The following IL1R2 variants were observed in gnomAD, a reference collection of about 807,000 sequenced individuals.
IL1R2 encodes the protein interleukin-1 receptor type 2.
Under a neutral mutation model 39.5 loss-of-function variants are expected in IL1R2, and 46 were observed. That is an observed-to-expected ratio of 1.16 (90% confidence interval 0.92 to 1.49). IL1R2 has a LOEUF of 1.49. IL1R2 is among the 40% of genes most tolerant of loss of function. The pLI, the probability that IL1R2 is intolerant of heterozygous loss-of-function variation, is 0.00. For synonymous variants in IL1R2, 207 were observed against 189.6 expected (o/e 1.09, Z -0.75); for missense variants, 537 against 502.0 (o/e 1.07, Z -0.67).
chr2:102,022,002 A>G, intron 5 of IL1R2, 185 bp from the exon 6 acceptor site: 1 of 592,640 alleles, frequency 1.7e-6, no homozygotes, highest in Non-Finnish European at 3.1e-6. Flanking sequence ...CTGCTGGGAA[A>G]GTCATTGGCC....
chr2:102,003,822 T>G (rs111214798), intron 1 of IL1R2, among the ~76,000 whole-genome samples: 4 of 46,578 alleles, frequency 8.6e-5, no homozygotes, highest in African/African-American at 3.1e-4. Context: ...TGTGTCTGTG[T>G]CTGTGTCTGT....
chr2:101,999,888 T>C (rs1675765169), intron 1 of IL1R2, among the ~76,000 whole-genome samples: 1 of 152,222 alleles, frequency 6.6e-6, no homozygotes, highest in Non-Finnish European at 1.5e-5. Flanking sequence ...ATATTGTGTA[T>C]TTTATAAAGT....
chr2:101,999,710 G>C (rs1198149752), intron 1 of IL1R2, among the ~76,000 whole-genome samples: 1 of 152,202 alleles, frequency 6.6e-6, no homozygotes, highest in African/African-American at 2.4e-5. Context: ...AGATCACATA[G>C]TTAGTTAATG....
In IL1R2 at chr2:102,028,491, T is replaced by C; in HGVS notation, c.*99T>C. ...GGGACTCTGTTCTTTGCCTCAGTTG[T>C]CTACCAAAGGTGCCACATTTATAGT... On this transcript the variant is annotated 3_prime_UTR_variant, in exon 9 of 9. Coordinates refer to ENST00000332549, the MANE Select transcript of IL1R2 (RefSeq NM_004633.4). 1 of 1,067,074 alleles carries C rather than the reference T, an allele frequency of 9.4e-7. No individual in the cohort carries two copies. Among genetic ancestry groups the C allele is most frequent in the Admixed American group, 2.9e-5 (1 of 34,646 alleles). The allele number at this position is 1,067,074 out of a possible 1,614,324, so 66.1% of individuals were successfully genotyped here.
intron 1 of IL1R2, among the ~76,000 whole-genome samples, chr2:102,007,342 C>T (rs2150431025): frequency 6.6e-6 from 1 of 152,262 alleles, no homozygotes; most frequent in Middle Eastern, 3.4e-3. Flanking sequence ...GTTAGCAGGA[C>T]ACCAAATCTC....
chr2:102,006,522 G>A (rs951240850), intron 1 of IL1R2, among the ~76,000 whole-genome samples: 1 of 152,162 alleles, frequency 6.6e-6, no homozygotes, highest in African/African-American at 2.4e-5. Flanking sequence ...CCTCAATGCC[G>A]CAATGCCGCC....
intron 6 of IL1R2, 136 bp from the exon 7 acceptor site, chr2:102,024,397 A>C (rs1283074330): frequency 1.5e-6 from 1 of 669,978 alleles, no homozygotes; most frequent in African/African-American, 1.8e-5. Context: ...ATTTGAGAAA[A>C]CTAAATTTTC....
At chr2:102,017,785 C>T (rs1302654632) in intron 4 of IL1R2, among the ~76,000 whole-genome samples, 2 of 152,166 alleles carry the variant, frequency 1.3e-5, no homozygotes, top group African/African-American at 4.8e-5. Flanking sequence ...GCCGCTTTCA[C>T]ATGGCCTAGT....
rs749459091 is a variant in IL1R2 at position 102,019,703 on chromosome 2, C to T, written c.579C>T (p.Leu193=). 4.5e-5 allele frequency: 73 copies of T among 1,613,592 alleles called. 1 individual carries two copies. The Admixed American group carries it at 9.7e-4, about 21-fold the overall frequency. ...GTGTGAGGGGGACCACTCACTTACT[C>T]GTACACGATGTGGCCCTGGAAGATG... The part of the protein sequence containing the change: ...FLSVRGTTHL[L]VHDVALEDAG... The change falls in exon 5 of 9, where the codon CTC becomes CTT. Residue 193 remains leucine, a synonymous_variant. Coordinates refer to ENST00000332549, the MANE Select transcript of IL1R2 (RefSeq NM_004633.4).
chr2:101,996,340 G>A (rs1365629882), intron 1 of IL1R2, among the ~76,000 whole-genome samples: 1 of 152,134 alleles, frequency 6.6e-6, no homozygotes, highest in Non-Finnish European at 1.5e-5. Context: ...GGGCAAGCCA[G>A]AGGTTTCCTC....
At chr2:102,001,835 G>A (rs1675875625) in intron 1 of IL1R2, 1 of 151,986 alleles carries the variant, frequency 6.6e-6, no homozygotes. Flanking sequence ...GAATTTATAC[G>A]ACATGCGTAA....
intron 4 of IL1R2, among the ~76,000 whole-genome samples, chr2:102,017,476 T>C (rs1677081513): frequency 6.6e-6 from 1 of 151,844 alleles, no homozygotes; most frequent in Admixed American, 6.6e-5. Context: ...TTCCCTTGTC[T>C]GGTTGAATAG....
At chr2:102,027,489 G>A (rs1468280906) in intron 8 of IL1R2, among the ~76,000 whole-genome samples, 1 of 152,192 alleles carries the variant, frequency 6.6e-6, no homozygotes, top group African/African-American at 2.4e-5. Flanking sequence ...ACTGAGAGGT[G>A]TATTCAAACA....
chr2:102,022,277 A>T (rs753294181), intron 6 of IL1R2, 28 bp downstream of exon 6: 2 of 1,592,944 alleles, frequency 1.3e-6, no homozygotes, highest in South Asian at 2.2e-5. Flanking sequence ...CATGCATTCC[A>T]CGCACCTGTG....
At chr2:101,992,065 G>C (rs569036058) in intron 1 of IL1R2, 54 bp downstream of exon 1, 86 of 143,584 alleles carry the variant, frequency 6.0e-4, no homozygotes, top group African/African-American at 2.3e-3. Flanking sequence ...GAGAGAAAGA[G>C]AGAGAGGGAG....
rs747340354 is a variant in IL1R2, at chr2:102,026,072, C to T, written c.888-39C>T. ...ACATTGTGAAAGACAAGCTTGCATT[C>T]GATACAATCATAATTAAGTGAATGT... On this transcript the variant is annotated intron_variant, in intron 7 of 8. Transcript: ENST00000332549. 6.5e-5 allele frequency: 98 copies of T among 1,499,744 alleles called. No individual in the cohort carries two copies. The South Asian group carries it at 6.6e-4, about 10-fold the overall frequency. The allele number at this position is 1,499,744 out of a possible 1,614,324, so 92.9% of individuals were successfully genotyped here.
intron 3 of IL1R2, among the ~76,000 whole-genome samples, chr2:102,013,193 G>C (rs2150440708): frequency 6.6e-6 from 1 of 152,184 alleles, no homozygotes; most frequent in South Asian, 2.1e-4. Flanking sequence ...GAGATTGAGG[G>C]GGCAGTGGAA....
At chr2:101,993,497 G>C (rs918541704) in intron 1 of IL1R2, among the ~76,000 whole-genome samples, 4 of 152,186 alleles carry the variant, frequency 2.6e-5, no homozygotes, top group African/African-American at 7.2e-5. Flanking sequence ...CAGGAAAGTT[G>C]CCTGAGGCTC....
At position 101,992,763 on chromosome 2, in the gene IL1R2, G is replaced by A. The variant is rs200234080; in HGVS notation, c.-62+752G>A. On this transcript the variant is annotated intron_variant, in intron 1 of 8. Coordinates refer to ENST00000332549, the MANE Select transcript of IL1R2 (RefSeq NM_004633.4). Reference sequence around the variant, plus strand: ...AACACAGAGACAGAGAGAGAGAGACGGAGACAGAAGAGAGAAATCTGGGAG... The same window carrying A: ...AACACAGAGACAGAGAGAGAGAGACAGAGACAGAAGAGAGAAATCTGGGAG... 7.2e-5 allele frequency among the ~76,000 whole-genome samples: 11 copies of A among 152,070 alleles called. No individual in the cohort carries two copies. In the East Asian group the frequency reaches 9.7e-4, roughly 13 times the overall value.
Sources: allele counts gnomAD v4.1 joint callset (sites outside exome capture counted in the v4.1 genomes callset), GRCh38; gene constraint gnomAD v4.1.1; transcripts MANE v1.5; gene names NCBI Gene and HGNC (gene_info 2026-07-23, HGNC 2026-07-21).